The following LUZP2 variants were observed in gnomAD, a reference collection of about 807,000 sequenced individuals.
The protein encoded by LUZP2 is leucine zipper protein 2.
In LUZP2, 52 loss-of-function variants were observed where a neutral mutation model predicts 51.6. The observed-to-expected ratio is 1.01, with a 90% CI of 0.81 to 1.27. The LOEUF is 1.27. Among genes scored for constraint, LUZP2 ranks in the 50% most tolerant of loss-of-function variants. LUZP2 has a pLI of 0.00. For missense variants in LUZP2, 436 were observed against 395.4 expected (o/e 1.10, Z -0.87); for synonymous variants, 154 against 137.3 (o/e 1.12, Z -0.85).
At chr11:24,911,777 A>G (rs534727930) in intron 6 of LUZP2, among the ~76,000 whole-genome samples, 1 of 152,316 alleles carries the variant, frequency 6.6e-6, no homozygotes, top group African/African-American at 2.4e-5. Context: ...TCACTTGGGA[A>G]GCTGTGTGAG....
intron 3 of LUZP2, among the ~76,000 whole-genome samples, chr11:24,732,822 G>C (rs1414562754): frequency 6.6e-6 from 1 of 151,646 alleles, no homozygotes; most frequent in Non-Finnish European, 1.5e-5. Context: ...TAGTAGGTTT[G>C]TATATATTTT....
At chr11:24,528,608 C>T (rs1850894259) in intron 1 of LUZP2, among the ~76,000 whole-genome samples, 1 of 151,114 alleles carries the variant, frequency 6.6e-6, no homozygotes, top group South Asian at 2.1e-4. Flanking sequence ...TGAGGACATG[C>T]TCACTCTTCA....
At chr11:24,658,248 C>A (rs1364396744) in intron 1 of LUZP2, among the ~76,000 whole-genome samples, 1 of 152,116 alleles carries the variant, frequency 6.6e-6, no homozygotes, top group Admixed American at 6.6e-5. Flanking sequence ...TGGAACAGAA[C>A]ACAGCCCTCA....
Position 24,517,214 on chromosome 11 carries a change from G to A in LUZP2, c.62+19909G>A, listed in dbSNP as rs533519351. ...AATATTGTAGGTACAGGCCGGGCAC[G>A]ATGGTTCACGCCTGTAACCCCAGCA... On this transcript the variant is annotated intron_variant, in intron 1 of 11. Coordinates refer to ENST00000336930, the MANE Select transcript of LUZP2 (RefSeq NM_001009909.4). 5.3e-5 allele frequency among the ~76,000 whole-genome samples: 8 copies of A among 152,030 alleles called. No individual in the cohort carries two copies. In the South Asian group the frequency reaches 1.0e-3, roughly 20 times the overall value.
At chr11:24,691,886 C>A (rs1182001962) in intron 1 of LUZP2, among the ~76,000 whole-genome samples, 1 of 151,712 alleles carries the variant, frequency 6.6e-6, no homozygotes, top group Non-Finnish European at 1.5e-5. Context: ...ATTCATAAGG[C>A]CAGCATTCAC....
At chr11:25,075,371 G>A (rs1246475394) in intron 10 of LUZP2, among the ~76,000 whole-genome samples, 1 of 152,122 alleles carries the variant, frequency 6.6e-6, no homozygotes, top group African/African-American at 2.4e-5. Flanking sequence ...GTGCCTAAAT[G>A]TGGCCATACA....
In LUZP2 at chr11:24,826,190, A is replaced by AAAATAT. The variant is rs1215786412; in HGVS notation, c.396+62883_396+62884insAATATA. On this transcript the variant is annotated intron_variant, in intron 5 of 11. Coordinates refer to ENST00000336930, the MANE Select transcript of LUZP2 (RefSeq NM_001009909.4). ...GACTCCATCTCAAAAAAAAAAAAAA[A>AAAATAT]ATATATATATATATATATAGTAAAA... Among the ~76,000 whole-genome samples the AAAATAT allele has an allele frequency of 3.6e-3, 244 of 67,544 alleles. 1 individual carries two copies. Among genetic ancestry groups the AAAATAT allele is most frequent in the African/African-American group, 0.012 (203 of 16,978 alleles). 44.3% of individuals were successfully genotyped at this position (67,544 alleles called of 152,430 possible). A position where few individuals can be genotyped will look rare whatever the true frequency, so the allele number is the denominator to read the frequency against.
At chr11:24,964,949 A>G (rs994856052) in intron 7 of LUZP2, among the ~76,000 whole-genome samples, 1 of 151,852 alleles carries the variant, frequency 6.6e-6, no homozygotes, top group African/African-American at 2.4e-5. Context: ...AGAGTAAGTA[A>G]AAGTTTCAGA....
intron 1 of LUZP2, among the ~76,000 whole-genome samples, chr11:24,686,675 T>C (rs1856905404): frequency 6.6e-6 from 1 of 152,208 alleles, no homozygotes; most frequent in Non-Finnish European, 1.5e-5. Flanking sequence ...GTTTGTTTTC[T>C]CTCATGCTTG....
intron 9 of LUZP2, among the ~76,000 whole-genome samples, chr11:25,040,365 C>CTTTTTTTTTTTTTTT (rs1858018488): frequency 4.2e-5 from 1 of 24,008 alleles, no homozygotes; most frequent in Admixed American, 4.3e-4. Flanking sequence ...TTTTTTTTTG[C>CTTTTTTTTTTTTTTT]CAATAGCACA....
intron 1 of LUZP2, among the ~76,000 whole-genome samples, chr11:24,567,049 G>C (rs1852269992): frequency 6.8e-6 from 1 of 147,140 alleles, no homozygotes; most frequent in Non-Finnish European, 1.5e-5. Flanking sequence ...CAACATGTTG[G>C]CCAGGATGGT....
At chr11:24,926,379 G>GTATATA (rs1175595879) in intron 7 of LUZP2, among the ~76,000 whole-genome samples, 1 of 8,036 alleles carries the variant, frequency 1.2e-4, no homozygotes, top group South Asian at 4.9e-3. Flanking sequence ...ATATACGTGT[G>GTATATA]TATATATATA....
intron 7 of LUZP2, among the ~76,000 whole-genome samples, chr11:24,944,959 G>A (rs1186760766): frequency 2.0e-5 from 3 of 152,122 alleles, no homozygotes; most frequent in African/African-American, 4.8e-5. Context: ...ATGCTCATAC[G>A]TACATTTATG....
rs572139531 is a variant in LUZP2 at position 25,066,410 on chromosome 11, T to C, written c.859-10919T>C. Among the ~76,000 whole-genome samples, 6 of 152,092 alleles carry C rather than the reference T, an allele frequency of 3.9e-5. No homozygotes were observed. In the East Asian group the frequency reaches 5.8e-4, roughly 15 times the overall value. On this transcript the variant is annotated intron_variant, in intron 10 of 11. Coordinates refer to ENST00000336930, the MANE Select transcript of LUZP2 (RefSeq NM_001009909.4). ...TGATACGTGGGAGTTTACAAAATAA[T>C]GTTTTGTGATCATTTGGGGGATAAA...
chr11:24,563,026 A>G (rs1852102113), intron 1 of LUZP2, among the ~76,000 whole-genome samples: 1 of 152,230 alleles, frequency 6.6e-6, no homozygotes, highest in South Asian at 2.1e-4. Context: ...AAGAAGGCTG[A>G]CATATTGACT....
chr11:24,849,110 T>C (rs1851301635), intron 5 of LUZP2, among the ~76,000 whole-genome samples: 1 of 146,220 alleles, frequency 6.8e-6, no homozygotes, highest in South Asian at 2.3e-4. Flanking sequence ...TTAGTTTCTG[T>C]GACAGGATAC....
At chr11:24,871,093 C>T (rs983700759) in intron 5 of LUZP2, among the ~76,000 whole-genome samples, 1 of 151,934 alleles carries the variant, frequency 6.6e-6, no homozygotes. Context: ...TTAAAATATT[C>T]AAATATTTCA....
chr11:24,870,559 A>T (rs1013791914), intron 5 of LUZP2, among the ~76,000 whole-genome samples: 1 of 151,970 alleles, frequency 6.6e-6, no homozygotes, highest in African/African-American at 2.4e-5. Flanking sequence ...GTGACTAAGA[A>T]ATCTGTCTCT....
At chr11:24,864,895 T>A (rs556760643) in intron 5 of LUZP2, among the ~76,000 whole-genome samples, 1 of 152,310 alleles carries the variant, frequency 6.6e-6, no homozygotes. Context: ...AAATATTTAC[T>A]CTCCTTTATT....
Sources: gnomAD v4.1 joint callset for allele counts (sites outside exome capture counted in the v4.1 genomes callset) on GRCh38, gnomAD v4.1.1 for gene constraint, MANE v1.5 for transcripts, NCBI Gene and HGNC (gene_info 2026-07-23, HGNC 2026-07-21) for gene names.